The following B3GALT1 variants were observed in gnomAD, a reference collection of about 807,000 sequenced individuals.
B3GALT1 encodes beta-1,3-galactosyltransferase 1, also known as UDP-Gal:betaGlcNAc beta 1,3-galactosyltransferase, polypeptide 1.
In B3GALT1, 10 loss-of-function variants were observed where a neutral mutation model predicts 23.2. The observed-to-expected ratio is 0.43, with a 90% CI of 0.27 to 0.73. B3GALT1 has a LOEUF of 0.73. Among genes scored for constraint, B3GALT1 ranks in the 30% least tolerant of loss-of-function variants. The pLI, the probability that B3GALT1 is intolerant of heterozygous loss-of-function variation, is 0.21. For synonymous variants in B3GALT1, 156 were observed against 141.5 expected (o/e 1.10, Z -0.73); for missense variants, 299 against 405.4 (o/e 0.74, Z 2.25).
intron 3 of B3GALT1, among the ~76,000 whole-genome samples, chr2:167,696,296 C>CA (rs35575073): frequency 0.38 from 34,835 of 91,914 alleles, 7,766 homozygotes; most frequent in Non-Finnish European, 0.5. Flanking sequence ...TGGTAAGAGG[C>CA]AAAAAAAAAA....
At chr2:167,693,954 G>A (rs1014961432) in intron 3 of B3GALT1, among the ~76,000 whole-genome samples, 24 of 152,094 alleles carry the variant, frequency 1.6e-4, no homozygotes, top group Admixed American at 1.2e-3. Flanking sequence ...TCCGTGTGCC[G>A]TTGTCTGGGG....
At chr2:167,838,873 A>G (rs1689558835) in intron 4 of B3GALT1, among the ~76,000 whole-genome samples, 1 of 152,240 alleles carries the variant, frequency 6.6e-6, no homozygotes, top group South Asian at 2.1e-4. Flanking sequence ...CTGGTTCAAT[A>G]TACGCAAATC....
chr2:167,560,734 T>C (rs1683963900), intron 2 of B3GALT1, among the ~76,000 whole-genome samples: 1 of 151,980 alleles, frequency 6.6e-6, no homozygotes, highest in East Asian at 1.9e-4. Flanking sequence ...GGTAAAGGAA[T>C]CAATTCAACA....
At chr2:167,684,502 T>G (rs897632464) in intron 3 of B3GALT1, among the ~76,000 whole-genome samples, 3 of 152,196 alleles carry the variant, frequency 2.0e-5, no homozygotes, top group Admixed American at 6.5e-5. Context: ...TTTCTGGTCC[T>G]ATTTTTGTTA....
intron 2 of B3GALT1, among the ~76,000 whole-genome samples, chr2:167,599,619 T>G (rs1199937883): frequency 6.6e-6 from 1 of 152,194 alleles, no homozygotes; most frequent in Non-Finnish European, 1.5e-5. Flanking sequence ...AATTAAACAT[T>G]TTTGTTGTGT....
At chr2:167,858,891 C>T (rs771100558) in intron 4 of B3GALT1, among the ~76,000 whole-genome samples, 2 of 152,102 alleles carry the variant, frequency 1.3e-5, no homozygotes, top group Non-Finnish European at 2.9e-5. Flanking sequence ...AATACTACCT[C>T]TCTGTGGTGA....
intron 1 of B3GALT1, among the ~76,000 whole-genome samples, chr2:167,309,091 CTATTAATGTTT>C (rs1696595079): frequency 6.6e-6 from 1 of 151,960 alleles, no homozygotes; most frequent in African/African-American, 2.4e-5. Context: ...AAAATTAACC[CTATTAATGTTT>C]TATGTCAAGA....
At chr2:167,834,817 C>G (rs1280503784) in intron 4 of B3GALT1, among the ~76,000 whole-genome samples, 2 of 151,628 alleles carry the variant, frequency 1.3e-5, no homozygotes, top group African/African-American at 4.9e-5. Context: ...ACACTGCACT[C>G]TAGGCTGGGC....
intron 1 of B3GALT1, among the ~76,000 whole-genome samples, chr2:167,413,340 C>G (rs539708100): frequency 1.3e-5 from 2 of 151,924 alleles, no homozygotes; most frequent in Admixed American, 1.3e-4. Flanking sequence ...CTTTGAGAGA[C>G]GAAATTTCAT....
intron 1 of B3GALT1, among the ~76,000 whole-genome samples, chr2:167,389,824 A>G (rs1388263206): frequency 7.1e-6 from 1 of 140,736 alleles, no homozygotes; most frequent in Non-Finnish European, 1.5e-5. Context: ...AGGCTGGGGG[A>G]TTGCTTGAGC....
intron 2 of B3GALT1, among the ~76,000 whole-genome samples, chr2:167,536,652 G>A (rs907836816): frequency 6.6e-6 from 1 of 152,124 alleles, no homozygotes; most frequent in Non-Finnish European, 1.5e-5. Flanking sequence ...AGAAGAGAGA[G>A]GAAAATGTGA....
At chr2:167,448,443 C>G (rs1182996163) in intron 1 of B3GALT1, among the ~76,000 whole-genome samples, 3 of 151,882 alleles carry the variant, frequency 2.0e-5, no homozygotes, top group Non-Finnish European at 4.4e-5. Context: ...GTCCTTAGCT[C>G]AATTTTTGAT....
At chr2:167,842,322 A>G (rs1217949759) in intron 4 of B3GALT1, among the ~76,000 whole-genome samples, 1 of 152,184 alleles carries the variant, frequency 6.6e-6, no homozygotes, top group Non-Finnish European at 1.5e-5. Flanking sequence ...TGACTCCAGC[A>G]ATTCTTTCCC....
intron 3 of B3GALT1, among the ~76,000 whole-genome samples, chr2:167,810,584 A>G (rs1574275214): frequency 6.6e-6 from 1 of 151,010 alleles, no homozygotes; most frequent in African/African-American, 2.5e-5. Context: ...ATCTTAATAT[A>G]AATTTTTACT....
At chr2:167,325,932 G>A (rs1696885759) in intron 1 of B3GALT1, among the ~76,000 whole-genome samples, 1 of 151,742 alleles carries the variant, frequency 6.6e-6, no homozygotes, top group South Asian at 2.1e-4. Context: ...TGGCTAGGCT[G>A]GTCTTGAGCT....
intron 2 of B3GALT1, among the ~76,000 whole-genome samples, chr2:167,513,041 A>T (rs67697939): frequency 7.1e-5 from 10 of 141,810 alleles, no homozygotes; most frequent in Non-Finnish European, 1.5e-4. Flanking sequence ...CAGAATTCAC[A>T]ACACTATATA....
chr2:167,771,348 G>A (rs1688069481), intron 3 of B3GALT1, among the ~76,000 whole-genome samples: 1 of 152,162 alleles, frequency 6.6e-6, no homozygotes, highest in African/African-American at 2.4e-5. Context: ...CCAGCACTTT[G>A]GGAGGCCGAG....
intron 3 of B3GALT1, among the ~76,000 whole-genome samples, chr2:167,812,186 A>T (rs1396439899): frequency 6.6e-6 from 1 of 152,232 alleles, no homozygotes; most frequent in Non-Finnish European, 1.5e-5. Flanking sequence ...TTCAAATTCC[A>T]TGAGCTTACA....
rs535856328 is a variant in B3GALT1 at position 167,552,441 on chromosome 2, T to C, written c.-410+62164T>C. The stretch of plus-strand genomic sequence containing the variant: ...TTAGAATATAAAAATAAAAATACCA[T>C]TTAAATTTCCATAAACAACTTAGTT... On this transcript the variant is annotated intron_variant, in intron 2 of 4. Coordinates refer to ENST00000392690, the MANE Select transcript of B3GALT1 (RefSeq NM_020981.4). Among the ~76,000 whole-genome samples the C allele has an allele frequency of 8.5e-5, 13 of 152,308 alleles. No individual in the cohort carries two copies. In the South Asian group the frequency reaches 1.9e-3, roughly 22 times the overall value.
Sources: allele counts gnomAD v4.1 joint callset (sites outside exome capture counted in the v4.1 genomes callset), GRCh38; gene constraint gnomAD v4.1.1; transcripts MANE v1.5; gene names NCBI Gene and HGNC (gene_info 2026-07-23, HGNC 2026-07-21).